RALYL: variants seen among roughly 807,000 people sequenced by gnomAD.
The protein encoded by RALYL is RALY RNA binding protein like.
RALYL carries 29 observed loss-of-function variants against 35.1 expected under a neutral mutation model. That is an observed-to-expected ratio of 0.83 (90% CI 0.61 to 1.13). RALYL has a LOEUF of 1.13. RALYL is among the 50% of genes most tolerant of loss of function. RALYL has a pLI of 0.00. For synonymous variants in RALYL, 120 were observed against 127.6 expected, an observed-to-expected ratio of 0.94 and a Z score of 0.40; for missense variants, 359 against 360.4, an observed-to-expected ratio of 1.00 and a Z score of 0.03.
chr8:84,895,591 C>T (rs1224551930), intron 8 of RALYL, among the ~76,000 whole-genome samples: 1 of 152,160 alleles, frequency 6.6e-6, no homozygotes, highest in African/African-American at 2.4e-5. Context: ...TGGCTCACCA[C>T]AACCTCCATC....
intron 2 of RALYL, among the ~76,000 whole-genome samples, chr8:84,763,475 A>T (rs6992790): frequency 0.38 from 57,062 of 152,040 alleles, 13,186 homozygotes; most frequent in South Asian, 0.58. Flanking sequence ...TCACCATGTG[A>T]TTTTTAGTCT....
intron 1 of RALYL, among the ~76,000 whole-genome samples, chr8:84,286,560 T>A (rs1837663872): frequency 6.6e-6 from 1 of 152,176 alleles, no homozygotes; most frequent in Non-Finnish European, 1.5e-5. Context: ...AGCTCGTGCT[T>A]AAAACCCAAA....
intron 1 of RALYL, among the ~76,000 whole-genome samples, chr8:84,210,539 CA>C (rs1399337892): frequency 6.6e-6 from 1 of 151,820 alleles, no homozygotes; most frequent in Admixed American, 6.6e-5. Context: ...GGCGCTTATT[CA>C]AGAGTCAAAA....
At chr8:84,202,367 A>ATTT (rs1187950600) in intron 1 of RALYL, among the ~76,000 whole-genome samples, 75 of 113,426 alleles carry the variant, frequency 6.6e-4, no homozygotes, top group Middle Eastern at 6.7e-3. Context: ...TATTGAAGGG[A>ATTT]TTTTTTTTTT....
At chr8:84,497,747 T>C (rs548412710) in intron 1 of RALYL, among the ~76,000 whole-genome samples, 1 of 149,484 alleles carries the variant, frequency 6.7e-6, no homozygotes, top group African/African-American at 2.5e-5. Context: ...GTTCAAGCGA[T>C]TCTACTGCCT....
At chr8:84,467,200 G>C (rs1436707223) in intron 1 of RALYL, among the ~76,000 whole-genome samples, 1 of 152,034 alleles carries the variant, frequency 6.6e-6, no homozygotes, top group Non-Finnish European at 1.5e-5. Context: ...GAGTGTGTTT[G>C]CTCTTGCTTT....
intron 1 of RALYL, among the ~76,000 whole-genome samples, chr8:84,387,585 T>G (rs748777111): frequency 1.3e-5 from 2 of 151,972 alleles, no homozygotes; most frequent in Non-Finnish European, 2.9e-5. Context: ...TCAGTGCCTC[T>G]GTCAATGGCA....
intron 2 of RALYL, among the ~76,000 whole-genome samples, chr8:84,722,886 G>A (rs1166150300): frequency 2.0e-5 from 3 of 150,926 alleles, no homozygotes; most frequent in Non-Finnish European, 3.0e-5. Flanking sequence ...AATTTATAAA[G>A]GCAGTAAAAA....
intron 1 of RALYL, among the ~76,000 whole-genome samples, chr8:84,447,529 T>C (rs938876238): frequency 6.6e-6 from 1 of 151,960 alleles, no homozygotes; most frequent in African/African-American, 2.4e-5. Context: ...TTTGAGAGAG[T>C]AAATCAGTCT....
intron 2 of RALYL, among the ~76,000 whole-genome samples, chr8:84,629,868 A>T (rs1165003645): frequency 6.6e-6 from 1 of 152,056 alleles, no homozygotes; most frequent in Non-Finnish European, 1.5e-5. Context: ...ATGGTTTTCT[A>T]AGAGAAACTT....
At chr8:84,549,415 T>C (rs1414706223) in intron 2 of RALYL, among the ~76,000 whole-genome samples, 3 of 152,182 alleles carry the variant, frequency 2.0e-5, no homozygotes, top group Admixed American at 2.0e-4. Context: ...GGTCATCTTT[T>C]TGATGACATA....
At chr8:84,610,240 T>C (rs1231093012) in intron 2 of RALYL, among the ~76,000 whole-genome samples, 2 of 152,128 alleles carry the variant, frequency 1.3e-5, no homozygotes, top group Non-Finnish European at 2.9e-5. Flanking sequence ...TACTTAGCTG[T>C]CATGTCTTCT....
intron 1 of RALYL, among the ~76,000 whole-genome samples, chr8:84,485,244 T>C (rs950869979): frequency 6.6e-6 from 1 of 152,130 alleles, no homozygotes; most frequent in African/African-American, 2.4e-5. Context: ...CTCCTTGATG[T>C]CAGCACCTGG....
intron 1 of RALYL, among the ~76,000 whole-genome samples, chr8:84,345,609 G>A (rs1270580656): frequency 2.0e-5 from 3 of 151,898 alleles, no homozygotes; most frequent in African/African-American, 7.3e-5. Flanking sequence ...TATTACTAAA[G>A]CAGCCTTTGG....
intron 1 of RALYL, among the ~76,000 whole-genome samples, chr8:84,339,898 C>A (rs1848486143): frequency 6.6e-6 from 1 of 152,040 alleles, no homozygotes; most frequent in Non-Finnish European, 1.5e-5. Flanking sequence ...TGTGTCCCCA[C>A]CCAAATCTCA....
intron 1 of RALYL, among the ~76,000 whole-genome samples, chr8:84,311,053 C>CAAAAAAAA (rs34029529): frequency 0.01 from 96 of 9,526 alleles, 26 homozygotes; most frequent in South Asian, 0.04. Flanking sequence ...GACTCCGTCT[C>CAAAAAAAA]AAAAAAAAAA....
chr8:84,691,383 C>G (rs532498239), intron 2 of RALYL, among the ~76,000 whole-genome samples: 76 of 152,032 alleles, frequency 5.0e-4, no homozygotes, highest in Non-Finnish European at 9.3e-4. Flanking sequence ...TTTGCAAGTA[C>G]AGATTATATT....
chr8:84,737,423 C>A (rs1210564701), intron 2 of RALYL, among the ~76,000 whole-genome samples: 1 of 151,914 alleles, frequency 6.6e-6, no homozygotes, highest in Non-Finnish European at 1.5e-5. Flanking sequence ...TACCTCTTTT[C>A]TTTCTTTCCT....
chr8:84,668,798 G>A (rs11989935), intron 2 of RALYL, among the ~76,000 whole-genome samples: 14,611 of 152,018 alleles, frequency 0.096, 1,811 homozygotes, highest in African/African-American at 0.29. Context: ...CTCAGAAATA[G>A]CCAGACAAGA....
Sources: gnomAD v4.1 joint callset for allele counts (sites outside exome capture counted in the v4.1 genomes callset) on GRCh38, gnomAD v4.1.1 for gene constraint, MANE v1.5 for transcripts, NCBI Gene and HGNC (gene_info 2026-07-23, HGNC 2026-07-21) for gene names.